The following ZNF280D variants were observed in gnomAD, a reference collection of about 807,000 sequenced individuals.
ZNF280D encodes suppressor of hairy wing homolog 4.
ZNF280D carries 39 observed loss-of-function variants against 94.7 expected under a neutral mutation model. The observed-to-expected ratio is 0.41, with a 90% CI of 0.32 to 0.54. The LOEUF is 0.54. Ranked by LOEUF, ZNF280D falls within the 20% of genes least tolerant of loss-of-function variation. The probability of loss-of-function intolerance (pLI) is 0.22; values close to 1 mark genes in which losing one functional copy is unlikely to be tolerated. For missense variants in ZNF280D, 1,090 were observed against 1,149.3 expected (o/e 0.95, Z 0.75); for synonymous variants, 398 against 377.6 (o/e 1.05, Z -0.63).
At chr15:56,676,549 T>G in intron 13 of ZNF280D, 121 bp downstream of exon 13, 7 of 797,142 alleles carry the variant, frequency 8.8e-6, no homozygotes. Context: ...AAGTGTAAAT[T>G]AATAGTGTCA....
intron 13 of ZNF280D, among the ~76,000 whole-genome samples, chr15:56,675,627 T>C (rs1377059343): frequency 2.6e-5 from 4 of 151,970 alleles, no homozygotes; most frequent in Admixed American, 2.6e-4. Flanking sequence ...TGCCAGAAAC[T>C]CTCAAGGATG....
chr15:56,656,412 T>C (rs2053559020), intron 17 of ZNF280D, among the ~76,000 whole-genome samples: 1 of 152,188 alleles, frequency 6.6e-6, no homozygotes, highest in African/African-American at 2.4e-5. Flanking sequence ...CATAGTTCAT[T>C]GAGAAACTAA....
chr15:56,732,367 G>A (rs929871124), intron 1 of ZNF280D, among the ~76,000 whole-genome samples: 17 of 152,154 alleles, frequency 1.1e-4, no homozygotes, highest in African/African-American at 3.9e-4. Flanking sequence ...AAACATCAGA[G>A]GCACACAGCC....
At chr15:56,679,956 C>T (rs2140988009) in intron 10 of ZNF280D, among the ~76,000 whole-genome samples, 1 of 152,290 alleles carries the variant, frequency 6.6e-6, no homozygotes, top group African/African-American at 2.4e-5. Context: ...AGCCATTAAA[C>T]TTTCAGCTCA....
chr15:56,689,212 CTAA>C, intron 8 of ZNF280D, 62 bp from the exon 9 acceptor site: 3 of 1,551,856 alleles, frequency 1.9e-6, no homozygotes, highest in South Asian at 1.2e-5. Context: ...TAAATAACCA[CTAA>C]TAATACTTTT....
chr15:56,688,870 G>T, intron 9 of ZNF280D, 171 bp downstream of exon 9: 1 of 418,916 alleles, frequency 2.4e-6, no homozygotes. Context: ...AAAATTTGAG[G>T]ATTTAGAAGG....
At chr15:56,690,787 T>C (rs1221690430) in intron 7 of ZNF280D, among the ~76,000 whole-genome samples, 2 of 152,204 alleles carry the variant, frequency 1.3e-5, no homozygotes, top group Non-Finnish European at 2.9e-5. Context: ...ATCCTCACAA[T>C]TGTACATTAA....
At chr15:56,649,087 C>T (rs577564433) in intron 19 of ZNF280D, among the ~76,000 whole-genome samples, 15 of 151,902 alleles carry the variant, frequency 9.9e-5, no homozygotes, top group Non-Finnish European at 2.1e-4. Flanking sequence ...CCAAAATATT[C>T]ATGTGTAAAA....
rs1566920780 is a variant in ZNF280D at position 56,631,598 on chromosome 15, T to A, written c.2840A>T (p.Asp947Val). The A allele has an allele frequency of 6.2e-7, 1 of 1,614,144 alleles. No homozygotes were observed. The change falls in exon 22 of 22, where the codon GAT becomes GTT. Residue 947 changes from aspartate to valine, a missense_variant. By Grantham distance (152) the Asp-to-Val change is radical (BLOSUM62 -3). Transcript: ENST00000267807. Reference protein sequence around the residue: ...KGSGDPSAKTDEVVSDQTDDI... With the variant: ...KGSGDPSAKTVEVVSDQTDDI... ...ATCTGTTTGATCAGACACTACTTCATCAGTCTTGGCTGAAGGATCACCACT... is the reference window on the plus strand; with the variant it reads ...ATCTGTTTGATCAGACACTACTTCAACAGTCTTGGCTGAAGGATCACCACT...
chr15:56,674,134 T>C (rs1319083077), intron 13 of ZNF280D, among the ~76,000 whole-genome samples: 2 of 152,038 alleles, frequency 1.3e-5, no homozygotes, highest in African/African-American at 4.8e-5. Context: ...CTTAAATGAA[T>C]AGTGAGGCAG....
chr15:56,717,372 A>C (rs2058101924), intron 1 of ZNF280D, among the ~76,000 whole-genome samples: 1 of 152,140 alleles, frequency 6.6e-6, no homozygotes, highest in Admixed American at 6.6e-5. Context: ...GGGAGAAGTA[A>C]AAGCTATTTA....
Position 56,631,778 on chromosome 15 carries a change from G to A in ZNF280D, c.2660C>T (p.Ala887Val). 1 of 1,614,130 alleles carries A rather than the reference G, an allele frequency of 6.2e-7. No individual in the cohort carries two copies. Among genetic ancestry groups the A allele is most frequent in the Non-Finnish European group, 8.5e-7 (1 of 1,180,022 alleles). Residue 887 changes from alanine (A) to valine (V), a missense_variant, in exon 22 of 22, where the codon GCA becomes GTA. Physicochemically the swap from Ala to Val is moderately conservative, Grantham distance 64. This residue lies in a region of ZNF280D where 577 missense variants were observed against 568.8 expected (regional missense o/e 1.01). Coordinates refer to ENST00000267807, the MANE Select transcript of ZNF280D (RefSeq NM_017661.4). ...CTGATCAATGCTTACATTATCTGAT[G>A]CTAATCGCAAATCCTTAATATTCTT... is the stretch of plus-strand genomic sequence containing the variant. ...SSKNIKDLRLASDNVSIDQFL... is the reference protein window; with the variant it reads ...SSKNIKDLRLVSDNVSIDQFL...
intron 1 of ZNF280D, among the ~76,000 whole-genome samples, chr15:56,710,138 C>A (rs372241928): frequency 6.6e-6 from 1 of 152,242 alleles, no homozygotes; most frequent in East Asian, 1.9e-4. Flanking sequence ...CGCGGCGGCT[C>A]ACGCCTGTAA....
intron 20 of ZNF280D, 91 bp from the exon 21 acceptor site, chr15:56,635,341 G>T: frequency 2.0e-6 from 1 of 502,518 alleles, no homozygotes; most frequent in Non-Finnish European, 3.2e-6. Context: ...AAAGAAACAA[G>T]TGTGCAACTT....
At chr15:56,692,864 A>G (rs2141103465) in intron 7 of ZNF280D, among the ~76,000 whole-genome samples, 1 of 152,292 alleles carries the variant, frequency 6.6e-6, no homozygotes, top group South Asian at 2.1e-4. Context: ...CCAAGTGAGA[A>G]TTAGTTCAAA....
At chr15:56,733,201 G>A (rs2058986097) in intron 1 of ZNF280D, among the ~76,000 whole-genome samples, 1 of 152,188 alleles carries the variant, frequency 6.6e-6, no homozygotes, top group Non-Finnish European at 1.5e-5. Flanking sequence ...GAAGGCCTGC[G>A]CGGCCCAGGC....
At position 56,666,871 on chromosome 15, in the gene ZNF280D, G is replaced by A; in HGVS notation, c.1661C>T (p.Ala554Val). 1 of 1,613,840 alleles carries A rather than the reference G, an allele frequency of 6.2e-7. No individual in the cohort carries two copies. Among genetic ancestry groups the A allele is most frequent in the Non-Finnish European group, 8.5e-7 (1 of 1,179,874 alleles). The change falls in exon 15 of 22, where the codon GCT (alanine) becomes GTT (valine). Residue 554 changes from alanine to valine, a missense_variant. Ala to Val is a moderately conservative substitution (Grantham distance 64, BLOSUM62 0). Coordinates refer to ENST00000267807, the MANE Select transcript of ZNF280D (RefSeq NM_017661.4). ...LSPPRTKNITAKNPAKSNTSK... is the reference protein window; with the variant it reads ...LSPPRTKNITVKNPAKSNTSK... ...TGTATTAGATTTTGCAGGATTTTTA[G>A]CAGTTATATTTTTAGTCCTTGGAGG...
chr15:56,709,472 C>T (rs2057623531), intron 1 of ZNF280D, among the ~76,000 whole-genome samples: 1 of 152,108 alleles, frequency 6.6e-6, no homozygotes, highest in Non-Finnish European at 1.5e-5. Flanking sequence ...GGATCTAGTA[C>T]TAGAAATACC....
intron 1 of ZNF280D, among the ~76,000 whole-genome samples, chr15:56,724,654 G>A (rs1344792647): frequency 6.6e-6 from 1 of 152,210 alleles, no homozygotes; most frequent in East Asian, 1.9e-4. Context: ...TGTAAAGGAT[G>A]ATAACACCGC....
Sources: allele counts gnomAD v4.1 joint callset (sites outside exome capture counted in the v4.1 genomes callset), GRCh38; gene constraint gnomAD v4.1.1; regional missense constraint gnomAD v4.1.1; transcripts MANE v1.5; gene names NCBI Gene and HGNC (gene_info 2026-07-23, HGNC 2026-07-21).